Variants in DOK6 observed in about 807,000 individuals in gnomAD.
DOK6 encodes the protein docking protein 6.
In DOK6, 22 loss-of-function variants were observed where a neutral mutation model predicts 44.0. That is an observed-to-expected ratio of 0.50 (90% CI 0.36 to 0.71). DOK6 has a LOEUF of 0.71. Ranked by LOEUF, DOK6 falls within the 30% of genes least tolerant of loss-of-function variation. The pLI is 0.00. For synonymous variants in DOK6, 166 were observed against 145.5 expected (o/e 1.14, Z -1.01); for missense variants, 340 against 416.4 (o/e 0.82, Z 1.60).
intron 2 of DOK6, among the ~76,000 whole-genome samples, chr18:69,574,444 T>C (rs1215209467): frequency 6.6e-6 from 1 of 152,108 alleles, no homozygotes; most frequent in Non-Finnish European, 1.5e-5. Context: ...ACAGGAACAG[T>C]TAATTCTGCT....
At chr18:69,415,699 A>C (rs926838690) in intron 1 of DOK6, among the ~76,000 whole-genome samples, 1 of 152,092 alleles carries the variant, frequency 6.6e-6, no homozygotes, top group African/African-American at 2.4e-5. Context: ...CATTTTCAGC[A>C]CCTAAAGGTC....
intron 1 of DOK6, among the ~76,000 whole-genome samples, chr18:69,548,890 A>T (rs771760308): frequency 4.0e-5 from 6 of 151,182 alleles, no homozygotes; most frequent in Non-Finnish European, 7.4e-5. Context: ...TCAGGAGATC[A>T]AGACCATCCT....
At chr18:69,688,651 C>A (rs558372973) in intron 4 of DOK6, among the ~76,000 whole-genome samples, 1 of 152,204 alleles carries the variant, frequency 6.6e-6, no homozygotes, top group Non-Finnish European at 1.5e-5. Context: ...GTCTCCCGAG[C>A]AGCTGGGATT....
chr18:69,440,978 T>C (rs1016465391), intron 1 of DOK6, among the ~76,000 whole-genome samples: 1 of 152,152 alleles, frequency 6.6e-6, no homozygotes, highest in African/African-American at 2.4e-5. Context: ...ATAGGCTAAC[T>C]TAAAAAATTA....
chr18:69,480,394 ACC>A (rs1980385089), intron 1 of DOK6, among the ~76,000 whole-genome samples: 1 of 152,160 alleles, frequency 6.6e-6, no homozygotes, highest in African/African-American at 2.4e-5. Context: ...ATTGACAAGA[ACC>A]AAACAGATTT....
intron 1 of DOK6, among the ~76,000 whole-genome samples, chr18:69,454,754 T>C (rs1979573779): frequency 7.1e-6 from 1 of 139,982 alleles, no homozygotes; most frequent in Non-Finnish European, 1.6e-5. Context: ...TTCATGTCCT[T>C]TGTAGGGACA....
intron 1 of DOK6, among the ~76,000 whole-genome samples, chr18:69,529,293 G>T (rs1391522451): frequency 6.6e-6 from 1 of 151,958 alleles, no homozygotes; most frequent in Non-Finnish European, 1.5e-5. Context: ...ACCTAACCAA[G>T]AATTCTTTTC....
intron 6 of DOK6, among the ~76,000 whole-genome samples, chr18:69,749,687 T>C (rs1979105199): frequency 6.6e-6 from 1 of 152,086 alleles, no homozygotes. Context: ...ACGCCTGTAA[T>C]CCCAGCACTC....
chr18:69,641,613 A>C (rs1044952634), intron 3 of DOK6, among the ~76,000 whole-genome samples: 1 of 152,202 alleles, frequency 6.6e-6, no homozygotes, highest in Non-Finnish European at 1.5e-5. Flanking sequence ...TTGACTTATA[A>C]GCTAGATATC....
At chr18:69,715,056 T>G (rs941465204) in intron 5 of DOK6, among the ~76,000 whole-genome samples, 1 of 152,208 alleles carries the variant, frequency 6.6e-6, no homozygotes, top group African/African-American at 2.4e-5. Flanking sequence ...TGACTAAATG[T>G]GGCACTATTA....
intron 1 of DOK6, among the ~76,000 whole-genome samples, chr18:69,548,560 T>A (rs1295122638): frequency 6.6e-6 from 1 of 151,448 alleles, no homozygotes; most frequent in African/African-American, 2.4e-5. Flanking sequence ...TCTGTTTGGC[T>A]AAGCATATAA....
At chr18:69,544,625 C>T (rs1360684182) in intron 1 of DOK6, among the ~76,000 whole-genome samples, 4 of 151,418 alleles carry the variant, frequency 2.6e-5, no homozygotes, top group African/African-American at 9.7e-5. Flanking sequence ...AGTTTCAAAC[C>T]ATACAGTTAG....
chr18:69,441,662 T>G (rs552178259), intron 1 of DOK6, among the ~76,000 whole-genome samples: 3 of 152,292 alleles, frequency 2.0e-5, no homozygotes, highest in Admixed American at 6.5e-5. Context: ...CTGGATAATA[T>G]AGCAATAAAC....
chr18:69,513,380 A>ATG (rs1568281746), intron 1 of DOK6, among the ~76,000 whole-genome samples: 5 of 152,176 alleles, frequency 3.3e-5, no homozygotes, highest in African/African-American at 9.7e-5. Context: ...ACATATACTC[A>ATG]CGCACACACG....
chr18:69,597,646 G>A (rs1983775388), intron 2 of DOK6, among the ~76,000 whole-genome samples: 1 of 152,190 alleles, frequency 6.6e-6, no homozygotes, highest in African/African-American at 2.4e-5. Flanking sequence ...GCTCTACGCA[G>A]AGCATGAAAA....
chr18:69,624,076 A>G (rs1364695966), intron 3 of DOK6, among the ~76,000 whole-genome samples: 1 of 152,178 alleles, frequency 6.6e-6, no homozygotes, highest in African/African-American at 2.4e-5. Context: ...GTAGGGAACA[A>G]TGAACAATAT....
At chr18:69,720,768 A>C (rs987744007) in intron 5 of DOK6, among the ~76,000 whole-genome samples, 1 of 152,188 alleles carries the variant, frequency 6.6e-6, no homozygotes, top group Non-Finnish European at 1.5e-5. Flanking sequence ...ACAGTGCCAG[A>C]TAGACAAGTT....
chr18:69,671,272 A>G (rs897102193), intron 3 of DOK6, among the ~76,000 whole-genome samples: 5 of 152,210 alleles, frequency 3.3e-5, no homozygotes, highest in African/African-American at 7.2e-5. Context: ...CACTCCTTCA[A>G]TTCATAAAAG....
intron 3 of DOK6, among the ~76,000 whole-genome samples, chr18:69,664,617 A>G (rs965484864): frequency 1.4e-4 from 21 of 152,128 alleles, no homozygotes; most frequent in African/African-American, 5.1e-4. Flanking sequence ...CATTCCTCCC[A>G]CGTACTAACT....
Sources: allele counts gnomAD v4.1 joint callset (sites outside exome capture counted in the v4.1 genomes callset), GRCh38; gene constraint gnomAD v4.1.1; transcripts MANE v1.5; gene names NCBI Gene and HGNC (gene_info 2026-07-23, HGNC 2026-07-21).